The following NAPEPLD variants were observed in gnomAD, a reference collection of about 807,000 sequenced individuals.
NAPEPLD encodes the protein N-acyl phosphatidylethanolamine phospholipase D.
A neutral mutation model predicts 38.1 loss-of-function variants in NAPEPLD; 23 were observed. The ratio of observed to expected loss-of-function variants is 0.60; its 90% CI spans 0.43 to 0.86. The LOEUF (loss-of-function observed/expected upper bound fraction) is 0.86, where lower values mean the gene tolerates loss of function less well. Among genes scored for constraint, NAPEPLD ranks in the 40% least tolerant of loss-of-function variants. The probability of loss-of-function intolerance (pLI) is 0.00; values close to 1 mark genes in which losing one functional copy is unlikely to be tolerated. For missense variants in NAPEPLD, 411 were observed against 476.8 expected, an observed-to-expected ratio of 0.86 and a Z score of 1.28; for synonymous variants, 147 against 162.0, an observed-to-expected ratio of 0.91 and a Z score of 0.71.
intron 4 of NAPEPLD, 123 bp from the exon 5 acceptor site, chr7:103,103,677 A>T (rs1473100896): frequency 6.1e-6 from 6 of 985,746 alleles, no homozygotes; most frequent in Non-Finnish European, 8.7e-6. Context: ...CTTTCTTTTA[A>T]TTGAAGCATT....
At chr7:103,112,764 GAAGTA>G (rs996009648) in intron 4 of NAPEPLD, among the ~76,000 whole-genome samples, 4 of 150,882 alleles carry the variant, frequency 2.7e-5, no homozygotes, top group Non-Finnish European at 5.9e-5. Context: ...AAAAAAAAAA[GAAGTA>G]AAGGGTAACA....
At chr7:103,145,401 G>C (rs1812326261) in intron 1 of NAPEPLD, among the ~76,000 whole-genome samples, 1 of 152,100 alleles carries the variant, frequency 6.6e-6, no homozygotes, top group African/African-American at 2.4e-5. Context: ...TCGGCATTTA[G>C]TCTACACATA....
At chr7:103,139,894 A>C (rs886524780) in intron 1 of NAPEPLD, among the ~76,000 whole-genome samples, 6 of 152,172 alleles carry the variant, frequency 3.9e-5, no homozygotes, top group Admixed American at 3.9e-4. Flanking sequence ...GGTTAATAGA[A>C]TCTTGAGGTT....
At chr7:103,140,955 G>A (rs188658694) in intron 1 of NAPEPLD, among the ~76,000 whole-genome samples, 2 of 152,058 alleles carry the variant, frequency 1.3e-5, no homozygotes, top group Admixed American at 1.3e-4. Flanking sequence ...TCCCACAATG[G>A]GAGCTGGCAA....
chr7:103,136,574 A>C (rs1810119133), intron 1 of NAPEPLD, among the ~76,000 whole-genome samples: 1 of 137,672 alleles, frequency 7.3e-6, no homozygotes, highest in Non-Finnish European at 1.6e-5. Flanking sequence ...CGACAGAGCA[A>C]GACTCTGTCT....
chr7:103,133,009 C>A (rs1002041876), intron 1 of NAPEPLD, among the ~76,000 whole-genome samples: 1 of 152,148 alleles, frequency 6.6e-6, no homozygotes, highest in Non-Finnish European at 1.5e-5. Flanking sequence ...CTAACACACA[C>A]AAAGTCCAGT....
At chr7:103,149,584 A>C, upstream of NAPEPLD, 22 of 918,386 alleles carry the variant, frequency 2.4e-5, no homozygotes, top group Non-Finnish European at 3.2e-5. Flanking sequence ...AGCCCTTACC[A>C]AGATGGCCGC....
chr7:103,128,815 A>C (rs761157167), intron 1 of NAPEPLD, 23 bp from the exon 2 acceptor site: 1 of 1,586,388 alleles, frequency 6.3e-7, no homozygotes. Context: ...AGGGGGAAAA[A>C]TACTGAGTTG....
chr7:103,105,070 T>G (rs546878903), intron 4 of NAPEPLD, among the ~76,000 whole-genome samples: 1 of 152,192 alleles, frequency 6.6e-6, no homozygotes, highest in African/African-American at 2.4e-5. Flanking sequence ...AGCAGTATCT[T>G]TCTGAGTTTC....
chr7:103,106,620 A>G (rs1379756346), intron 4 of NAPEPLD, among the ~76,000 whole-genome samples: 1 of 152,048 alleles, frequency 6.6e-6, no homozygotes, highest in Non-Finnish European at 1.5e-5. Flanking sequence ...CTCACAGTGT[A>G]AACAAAGCCA....
intron 1 of NAPEPLD, among the ~76,000 whole-genome samples, chr7:103,137,247 T>C (rs750530648): frequency 9.9e-5 from 15 of 152,182 alleles, no homozygotes; most frequent in African/African-American, 1.7e-4. Context: ...CCCAAATAAA[T>C]AGTTCTGAGA....
chr7:103,114,190 C>G (rs1805139550), intron 4 of NAPEPLD, among the ~76,000 whole-genome samples: 1 of 152,228 alleles, frequency 6.6e-6, no homozygotes, highest in African/African-American at 2.4e-5. Flanking sequence ...AGCCACTGCA[C>G]TGGGCCTAAC....
intron 4 of NAPEPLD, among the ~76,000 whole-genome samples, chr7:103,112,519 C>T (rs1409215381): frequency 4.0e-5 from 6 of 151,886 alleles, no homozygotes; most frequent in Non-Finnish European, 5.9e-5. Context: ...AACCAAACAC[C>T]GCATGTTCTC....
At chr7:103,149,305 G>C (rs114427579), upstream of NAPEPLD, 6,311 of 1,079,250 alleles carry the variant, frequency 5.8e-3, 322 homozygotes, top group African/African-American at 0.096. Context: ...CCGGGAGCGC[G>C]CGCCGCCTCA....
chr7:103,106,268 C>T (rs1025447816), intron 4 of NAPEPLD, among the ~76,000 whole-genome samples: 8 of 152,128 alleles, frequency 5.3e-5, no homozygotes, highest in African/African-American at 9.7e-5. Flanking sequence ...AGATTACCTC[C>T]GGTGCCTGCC....
chr7:103,140,387 CTTTTTTTTTTT>C (rs377763676), intron 1 of NAPEPLD, among the ~76,000 whole-genome samples: 14 of 92,636 alleles, frequency 1.5e-4, no homozygotes, highest in East Asian at 1.5e-3. Context: ...TCACAGAACT[CTTTTTTTTTTT>C]TTTTTTTTTT....
intron 1 of NAPEPLD, among the ~76,000 whole-genome samples, chr7:103,146,109 T>A (rs1225620250): frequency 1.3e-5 from 2 of 152,186 alleles, no homozygotes; most frequent in South Asian, 4.1e-4. Context: ...ATCTTTGTAA[T>A]TGAAGGACCT....
intron 4 of NAPEPLD, among the ~76,000 whole-genome samples, chr7:103,107,874 A>G (rs1280717941): frequency 1.3e-5 from 2 of 152,198 alleles, no homozygotes; most frequent in Non-Finnish European, 2.9e-5. Context: ...ACAGGCCAAC[A>G]TTCAAATTCA....
chr7:103,115,528 T>C (rs1478854866), intron 3 of NAPEPLD, among the ~76,000 whole-genome samples: 1 of 152,148 alleles, frequency 6.6e-6, no homozygotes, highest in Non-Finnish European at 1.5e-5. Context: ...CTCTGAATAG[T>C]GAGATTTTTG....
Sources: allele counts gnomAD v4.1 joint callset (sites outside exome capture counted in the v4.1 genomes callset), GRCh38; gene constraint gnomAD v4.1.1; transcripts MANE v1.5; gene names NCBI Gene and HGNC (gene_info 2026-07-23, HGNC 2026-07-21).